The following MRS2 variants were observed in gnomAD, a reference collection of about 807,000 sequenced individuals.
MRS2 encodes the protein magnesium transporter MRS2, also known as magnesium transporter MRS2 homolog, mitochondrial.
In MRS2, 40 loss-of-function variants were observed where a neutral mutation model predicts 52.6. That is an observed-to-expected ratio of 0.76 (90% confidence interval 0.59 to 0.99). MRS2 has a LOEUF of 0.99. Ranked by LOEUF, MRS2 falls within the 50% of genes least tolerant of loss-of-function variation. The probability of loss-of-function intolerance (pLI) is 0.00; values close to 1 mark genes in which losing one functional copy is unlikely to be tolerated. For missense variants in MRS2, 472 were observed against 532.7 expected (o/e 0.89, Z 1.12); for synonymous variants, 193 against 195.9 (o/e 0.98, Z 0.13).
Position 24,418,670 on chromosome 6 carries a change from A to T in MRS2, c.1107+92A>T, listed in dbSNP as rs1056066985. ...TCCTAGCACTTTAGGAGGCTGAGGC[A>T]GGTGGATCACCTGAGGTCAGGAGTT... On this transcript the variant is annotated intron_variant, in intron 9 of 10. Coordinates refer to ENST00000378386, the MANE Select transcript of MRS2 (RefSeq NM_020662.4). 5.3e-6 allele frequency: 5 copies of T among 950,710 alleles called. No individual in the cohort carries two copies. In the Admixed American group the frequency reaches 9.4e-5, roughly 18 times the overall value. The allele number at this position is 950,710 out of a possible 1,614,324, so 58.9% of individuals were successfully genotyped here.
chr6:24,419,935 T>C (rs1208161726), intron 9 of MRS2, among the ~76,000 whole-genome samples: 2 of 152,374 alleles, frequency 1.3e-5, no homozygotes, highest in East Asian at 3.9e-4. Flanking sequence ...CACAGTGTGA[T>C]GCTGGATTCT....
In MRS2 at chr6:24,415,146, A is replaced by C. The variant is rs768869629; in HGVS notation, c.702A>C (p.Leu234Phe). The C allele has an allele frequency of 1.9e-6, 3 of 1,594,148 alleles. No individual in the cohort carries two copies. The highest frequency in any genetic ancestry group is 1.7e-6 in the Non-Finnish European group (2 of 1,164,876). The part of the protein sequence containing the change: ...SSVDRSKLHI[L>F]LQNGKSLSEL... ...TAGACAGAAGCAAACTGCACATTTTACTACAGAATGGCAAAAGGTAAATAT... is the reference window on the plus strand; with the variant it reads ...TAGACAGAAGCAAACTGCACATTTTCCTACAGAATGGCAAAAGGTAAATAT... The change falls in exon 6 of 11, where the codon TTA becomes TTC. Residue 234 changes from leucine to phenylalanine, a missense_variant. Leu to Phe is a conservative substitution (Grantham distance 22). Transcript: ENST00000378386.
intron 7 of MRS2, among the ~76,000 whole-genome samples, 200 bp from the exon 8 acceptor site, chr6:24,417,884 G>A (rs1449109834): frequency 6.6e-6 from 1 of 151,824 alleles, no homozygotes; most frequent in Non-Finnish European, 1.5e-5. Flanking sequence ...AGAGGTTGCA[G>A]TGAGCCGAGA....
rs372577192 is a variant in MRS2, at chr6:24,418,065, T to G, written c.837-19T>G. ...ACACATGTTGGGAGTATGTTAATTA[T>G]TTTCTCTTTTAATTGAAGTGAAAAG... On this transcript the variant is annotated intron_variant, in intron 7 of 10. Transcript: ENST00000378386. 13 of 1,597,768 alleles carry G rather than the reference T, an allele frequency of 8.1e-6. No homozygotes were observed. The African/African-American group carries it at 1.6e-4, about 20-fold the overall frequency.
rs76942851 is a variant in MRS2 at position 24,412,216 on chromosome 6, T to A, written c.415-6T>A. The A allele has an allele frequency of 1.3e-6, 2 of 1,534,398 alleles. No homozygotes were observed. The highest frequency in any genetic ancestry group is 1.7e-6 in the Non-Finnish European group (2 of 1,143,844). ...TTATATGTTTTGGTTTTTTTTTTTT[T>A]AACAGTATTTGAAAGCTGTGATAAC... On this transcript the variant is annotated splice_region_variant and splice_polypyrimidine_tract_variant and intron_variant, in intron 4 of 10. Coordinates refer to ENST00000378386, the MANE Select transcript of MRS2 (RefSeq NM_020662.4).
Position 24,416,391 on chromosome 6 carries a change from TTATA to T in MRS2, c.720-5_720-2del. 1 of 1,136,160 alleles carries T rather than the reference TTATA, an allele frequency of 8.8e-7. No homozygotes were observed. Among genetic ancestry groups the T allele is most frequent in the Non-Finnish European group, 1.3e-6 (1 of 753,860 alleles). 70.4% of individuals were successfully genotyped at this position (1,136,160 alleles called of 1,614,324 possible). On this transcript the variant is annotated splice_acceptor_variant and splice_polypyrimidine_tract_variant and intron_variant, in intron 6 of 10. Transcript: ENST00000378386. LOFTEE classifies it high-confidence loss of function. ...TTGATCATTTTTGTGTATCTATTTCTTATAGTCTATCAGAGTTAGAAACAGATAT... is the reference window on the plus strand; with the variant it reads ...TTGATCATTTTTGTGTATCTATTTCTGTCTATCAGAGTTAGAAACAGATAT...
chr6:24,424,633 T>C lies in MRS2; in HGVS notation c.*939T>C, dbSNP rs541559764. 6.6e-6 allele frequency: 1 copy of C among 152,322 alleles called. No individual in the cohort carries two copies. Among genetic ancestry groups the C allele is most frequent in the South Asian group, 2.1e-4 (1 of 4,830 alleles). The allele number at this position is 152,322 out of a possible 1,614,324, so 9.4% of individuals were successfully genotyped here. A position where few individuals can be genotyped will look rare whatever the true frequency, so the allele number is the denominator to read the frequency against. On this transcript the variant is annotated 3_prime_UTR_variant, in exon 11 of 11. Coordinates refer to ENST00000378386, the MANE Select transcript of MRS2 (RefSeq NM_020662.4). The stretch of plus-strand genomic sequence containing the variant: ...TGTAAGCCTGAAAGCTGCCATCCTC[T>C]TTAACATCCTACCTACCTTTTAAAA...
At chr6:24,420,858 G>A (rs1427295788) in intron 9 of MRS2, among the ~76,000 whole-genome samples, 2 of 152,152 alleles carry the variant, frequency 1.3e-5, no homozygotes, top group Non-Finnish European at 2.9e-5. Flanking sequence ...GAGTCAGGTG[G>A]AAAATGAGGT....
chr6:24,411,624 C>T (rs887732722), intron 4 of MRS2, among the ~76,000 whole-genome samples: 2 of 152,128 alleles, frequency 1.3e-5, no homozygotes, highest in African/African-American at 2.4e-5. Context: ...CTGCAAACTC[C>T]GCCTCCCAGG....
At chr6:24,410,603 C>T in intron 4 of MRS2, 1 of 624,086 alleles carries the variant, frequency 1.6e-6, no homozygotes, top group Non-Finnish European at 2.5e-6. Context: ...GGAGGGTCAC[C>T]AGAGACCAGG....
intron 2 of MRS2, among the ~76,000 whole-genome samples, chr6:24,406,814 T>TA (rs1471489670): frequency 4.6e-5 from 7 of 152,200 alleles, no homozygotes; most frequent in African/African-American, 1.4e-4. Context: ...TACTGAAAGT[T>TA]AGTTCTTTGC....
Position 24,409,525 on chromosome 6 carries a change from T to G in MRS2, c.366T>G (p.His122Gln). 1.2e-6 allele frequency: 2 copies of G among 1,611,382 alleles called. No individual in the cohort carries two copies. Among genetic ancestry groups the G allele is most frequent in the Non-Finnish European group, 8.5e-7 (1 of 1,178,202 alleles). ...GLQARDLRFQ[H>Q]VMSITVRNNR... ...AAGCCAGAGATTTGAGATTTCAGCA[T>G]GTAATGAGTATCACAGTCAGAAACA... Residue 122 changes from histidine to glutamine, a missense_variant, in exon 4 of 11, where the codon CAT (histidine) becomes CAG (glutamine). By Grantham distance (24) the His-to-Gln change is conservative (BLOSUM62 0). Coordinates refer to ENST00000378386, the MANE Select transcript of MRS2 (RefSeq NM_020662.4).
In MRS2 at chr6:24,424,585, G is replaced by C. The variant is rs1762165120; in HGVS notation, c.*891G>C. 1 of 152,114 alleles carries C rather than the reference G, an allele frequency of 6.6e-6. No homozygotes were observed. Among genetic ancestry groups the C allele is most frequent in the South Asian group, 2.1e-4 (1 of 4,824 alleles). 9.4% of individuals were successfully genotyped at this position (152,114 alleles called of 1,614,324 possible). A position where few individuals can be genotyped will look rare whatever the true frequency, so the allele number is the denominator to read the frequency against. ...TCTTCTCATTTCCACAGAGATTTGGGTTTAAAACAAATGGCTAATATTTGT... is the reference window on the plus strand; with the variant it reads ...TCTTCTCATTTCCACAGAGATTTGGCTTTAAAACAAATGGCTAATATTTGT... On this transcript the variant is annotated 3_prime_UTR_variant, in exon 11 of 11. Transcript: ENST00000378386.
intron 6 of MRS2, among the ~76,000 whole-genome samples, chr6:24,415,895 T>C (rs1044709409): frequency 2.6e-5 from 4 of 152,166 alleles, no homozygotes; most frequent in African/African-American, 9.7e-5. Flanking sequence ...TGGAGTGCAG[T>C]GGTGCAGTCT....
Position 24,403,083 on chromosome 6 carries a change from C to A in MRS2, c.37C>A (p.Arg13Ser), listed in dbSNP as rs140050426. 6 of 1,611,848 alleles carry A rather than the reference C, an allele frequency of 3.7e-6. No homozygotes were observed. Among genetic ancestry groups the A allele is most frequent in the South Asian group, 1.1e-5 (1 of 90,940 alleles). The change falls in exon 1 of 11, where the codon CGC becomes AGC. Residue 13 changes from arginine to serine, a missense_variant. Transcript: ENST00000378386. ...GCGCAGTTTACCCTGCCTCCTGCCCCGCGCGATGAGACTTCCCCGGCGGAC... is the reference window on the plus strand; with the variant it reads ...GCGCAGTTTACCCTGCCTCCTGCCCAGCGCGATGAGACTTCCCCGGCGGAC... The part of the protein sequence containing the change: ...CLRSLPCLLP[R>S]AMRLPRRTLC...
chr6:24,418,403 A>G lies in MRS2; in HGVS notation c.990-58A>G, dbSNP rs547954772. The G allele has an allele frequency of 1.5e-5, 24 of 1,603,264 alleles. No individual in the cohort carries two copies. The East Asian group carries it at 5.1e-4, about 34-fold the overall frequency. ...CCATGTGGTCTGTATAGATTTGATG[A>G]ATGTGCTGTATATAGTTAGTGGGCC... On this transcript the variant is annotated intron_variant, in intron 8 of 10. Coordinates refer to ENST00000378386, the MANE Select transcript of MRS2 (RefSeq NM_020662.4).
chr6:24,405,274 G>C, intron 2 of MRS2, 33 bp downstream of exon 2: 3 of 1,508,410 alleles, frequency 2.0e-6, no homozygotes, highest in Non-Finnish European at 2.8e-6. Flanking sequence ...AAATCGTACA[G>C]AAAGTGCTTC....
intron 4 of MRS2, among the ~76,000 whole-genome samples, chr6:24,411,282 G>A (rs1026209125): frequency 2.0e-5 from 3 of 151,794 alleles, no homozygotes; most frequent in Non-Finnish European, 4.4e-5. Flanking sequence ...CTGATAAAGT[G>A]GCTACCTTTA....
intron 7 of MRS2, among the ~76,000 whole-genome samples, chr6:24,417,547 C>T (rs1417688333): frequency 6.6e-6 from 1 of 152,198 alleles, no homozygotes; most frequent in Non-Finnish European, 1.5e-5. Flanking sequence ...AATACAGTGA[C>T]ACCAACTGGT....
Sources: gnomAD v4.1 joint callset for allele counts (sites outside exome capture counted in the v4.1 genomes callset) on GRCh38, gnomAD v4.1.1 for gene constraint, MANE v1.5 for transcripts, NCBI Gene and HGNC (gene_info 2026-07-23, HGNC 2026-07-21) for gene names.